The following SEMA5A variants were observed in gnomAD, a reference collection of about 807,000 sequenced individuals.
SEMA5A encodes the protein semaphorin 5A.
SEMA5A carries 55 observed loss-of-function variants against 135.5 expected under a neutral mutation model. The ratio of observed to expected loss-of-function variants is 0.41; its 90% CI spans 0.33 to 0.51. SEMA5A has a LOEUF of 0.51. Ranked by LOEUF, SEMA5A falls within the 20% of genes least tolerant of loss-of-function variation. SEMA5A has a pLI of 0.37. For synonymous variants in SEMA5A, 580 were observed against 546.5 expected (o/e 1.06, Z -0.85); for missense variants, 1,290 against 1,419.9 (o/e 0.91, Z 1.47).
intron 11 of SEMA5A, among the ~76,000 whole-genome samples, chr5:9,176,251 G>A (rs905795139): frequency 1.3e-5 from 2 of 152,148 alleles, no homozygotes; most frequent in African/African-American, 4.8e-5. Flanking sequence ...ATTGAAGAAG[G>A]GTATGGGTGG....
chr5:9,126,016 A>G (rs908957729), intron 13 of SEMA5A, among the ~76,000 whole-genome samples: 15 of 152,166 alleles, frequency 9.9e-5, no homozygotes, highest in Non-Finnish European at 1.8e-4. Flanking sequence ...AAACCTTGCT[A>G]GTATTGTTTT....
intron 12 of SEMA5A, among the ~76,000 whole-genome samples, chr5:9,152,070 G>A (rs13179890): frequency 0.39 from 58,746 of 152,090 alleles, 14,050 homozygotes; most frequent in Non-Finnish European, 0.55. Flanking sequence ...CCTAAGTTGC[G>A]TGTACAAGAG....
intron 5 of SEMA5A, among the ~76,000 whole-genome samples, chr5:9,276,530 G>A (rs1750271153): frequency 6.6e-6 from 1 of 152,148 alleles, no homozygotes; most frequent in Non-Finnish European, 1.5e-5. Flanking sequence ...GAACAAAGCT[G>A]GAGGCAACAC....
chr5:9,156,208 G>A (rs1310742749), intron 11 of SEMA5A, among the ~76,000 whole-genome samples: 2 of 152,194 alleles, frequency 1.3e-5, no homozygotes, highest in Non-Finnish European at 2.9e-5. Flanking sequence ...AAAAATTTAT[G>A]TCTTAATTCT....
intron 13 of SEMA5A, among the ~76,000 whole-genome samples, chr5:9,124,664 C>A (rs1375630074): frequency 2.0e-5 from 3 of 152,162 alleles, no homozygotes; most frequent in African/African-American, 7.2e-5. Flanking sequence ...CCATGTTGGC[C>A]AGGCTGGTCT....
At chr5:9,236,462 C>CA (rs577190848) in intron 6 of SEMA5A, among the ~76,000 whole-genome samples, 315 of 152,304 alleles carry the variant, frequency 2.1e-3, no homozygotes, top group Non-Finnish European at 3.1e-3. Flanking sequence ...CATTGAGACT[C>CA]AAACACCACA....
At chr5:9,086,947 GT>G (rs1206163564) in intron 16 of SEMA5A, among the ~76,000 whole-genome samples, 2 of 152,018 alleles carry the variant, frequency 1.3e-5, no homozygotes, top group Non-Finnish European at 2.9e-5. Flanking sequence ...TTCTTTGATT[GT>G]TTTTTTAACT....
chr5:9,248,105 C>A (rs1233048996), intron 5 of SEMA5A, among the ~76,000 whole-genome samples: 1 of 152,002 alleles, frequency 6.6e-6, no homozygotes, highest in Non-Finnish European at 1.5e-5. Context: ...CAGAGATGTC[C>A]TAAAATATTG....
chr5:9,309,019 T>C (rs1468585061), intron 5 of SEMA5A, among the ~76,000 whole-genome samples: 1 of 152,144 alleles, frequency 6.6e-6, no homozygotes, highest in African/African-American at 2.4e-5. Context: ...AATGTTTTCC[T>C]TAAACAGGAG....
At chr5:9,313,631 T>C (rs536683423) in intron 5 of SEMA5A, among the ~76,000 whole-genome samples, 67 of 152,152 alleles carry the variant, frequency 4.4e-4, no homozygotes, top group Non-Finnish European at 2.9e-4. Flanking sequence ...AGAGAATGAA[T>C]TTCAACATGA....
rs1347710197 is a variant in SEMA5A at position 9,041,413 on chromosome 5, T to C, written c.*1484A>G. The C allele has an allele frequency of 1.3e-5, 2 of 152,226 alleles. No homozygotes were observed. The highest frequency in any genetic ancestry group is 4.8e-5 in the African/African-American group (2 of 41,456). 9.4% of individuals were successfully genotyped at this position (152,226 alleles called of 1,614,324 possible). On this transcript the variant is annotated 3_prime_UTR_variant, in exon 23 of 23. Transcript: ENST00000382496. ...GGCATCAGATGAACTTTTTCAGTCG[T>C]GTTCTTTTTTTCAATAATTATTCAA... is the stretch of plus-strand genomic sequence containing the variant.
rs1398381144 is a variant in SEMA5A, at chr5:9,036,990, CT to C, written c.*5906del. 2.6e-5 allele frequency: 4 copies of C among 152,234 alleles called. No homozygotes were observed. The highest frequency in any genetic ancestry group is 5.9e-5 in the Non-Finnish European group (4 of 68,044). The allele number at this position is 152,234 out of a possible 1,614,324, so 9.4% of individuals were successfully genotyped here. ...ATCAAACATTTGAATCATTTTATTA[CT>C]GCCATTCATCTAACATTTGGAATAT... On this transcript the variant is annotated 3_prime_UTR_variant, in exon 23 of 23. Coordinates refer to ENST00000382496, the MANE Select transcript of SEMA5A (RefSeq NM_003966.3).
intron 3 of SEMA5A, among the ~76,000 whole-genome samples, chr5:9,377,493 T>G (rs527995299): frequency 1.8e-3 from 267 of 152,170 alleles, no homozygotes; most frequent in African/African-American, 6.1e-3. Context: ...AAGCAGTAAT[T>G]TTGCTAATTT....
intron 15 of SEMA5A, among the ~76,000 whole-genome samples, chr5:9,113,098 A>G (rs1740329590): frequency 6.6e-6 from 1 of 152,196 alleles, no homozygotes; most frequent in African/African-American, 2.4e-5. Context: ...CTCTATGTTG[A>G]TTTCAGCCTT....
chr5:9,352,103 T>TGGGGGGA (rs1349768430), intron 3 of SEMA5A, among the ~76,000 whole-genome samples: 1 of 77,036 alleles, frequency 1.3e-5, no homozygotes, highest in Non-Finnish European at 3.1e-5. Context: ...TCGGGGGGGT[T>TGGGGGGA]ACTTAAGAGT....
In SEMA5A at chr5:9,324,213, C is replaced by T. The variant is rs188944973; in HGVS notation, c.225-5796G>A. ...CCTCCCGAGTAGCTGGGACTACAGGCGCCCGCCACCACACCTGGCTAATTT... is the reference window on the plus strand; with the variant it reads ...CCTCCCGAGTAGCTGGGACTACAGGTGCCCGCCACCACACCTGGCTAATTT... On this transcript the variant is annotated intron_variant, in intron 4 of 22. Transcript: ENST00000382496. Among the ~76,000 whole-genome samples the T allele has an allele frequency of 5.2e-4, 79 of 151,910 alleles. No individual in the cohort carries two copies. The East Asian group carries it at 0.015, about 28-fold the overall frequency.
At chr5:9,412,568 G>A (rs1156831533) in intron 2 of SEMA5A, among the ~76,000 whole-genome samples, 1 of 144,392 alleles carries the variant, frequency 6.9e-6, no homozygotes, top group African/African-American at 2.5e-5. Context: ...AATGCTTGGG[G>A]CCAGAACGGA....
In SEMA5A at chr5:9,060,207, C is replaced by T. The variant is rs182603327; in HGVS notation, c.2518+2680G>A. ...CTCTGCAGAATCTTGGCTTTTAAAA[C>T]GAAAATGAGGACAGGGTTATTTCAA... On this transcript the variant is annotated intron_variant, in intron 18 of 22. Coordinates refer to ENST00000382496, the MANE Select transcript of SEMA5A (RefSeq NM_003966.3). Among the ~76,000 whole-genome samples, 46 of 152,292 alleles carry T rather than the reference C, an allele frequency of 3.0e-4. 1 individual carries two copies. The East Asian group carries it at 6.8e-3, about 22-fold the overall frequency.
intron 2 of SEMA5A, among the ~76,000 whole-genome samples, chr5:9,409,217 G>A (rs1757013160): frequency 6.6e-6 from 1 of 152,118 alleles, no homozygotes; most frequent in Non-Finnish European, 1.5e-5. Flanking sequence ...AAGAAACATG[G>A]TTGATGACAC....
Sources: allele counts gnomAD v4.1 joint callset (sites outside exome capture counted in the v4.1 genomes callset), GRCh38; gene constraint gnomAD v4.1.1; transcripts MANE v1.5; gene names NCBI Gene and HGNC (gene_info 2026-07-23, HGNC 2026-07-21).